The following EIF3H variants were observed in gnomAD, a reference collection of about 807,000 sequenced individuals.
EIF3H encodes the protein eIF-3-gamma.
In EIF3H, 26 loss-of-function variants were observed where a neutral mutation model predicts 44.2. The observed-to-expected ratio is 0.59, with a 90% CI of 0.43 to 0.82. The LOEUF is 0.82. Among genes scored for constraint, EIF3H ranks in the 40% least tolerant of loss-of-function variants. The pLI, the probability that EIF3H is intolerant of heterozygous loss-of-function variation, is 0.00. For synonymous variants in EIF3H, 166 were observed against 151.9 expected (o/e 1.09, Z -0.68); for missense variants, 359 against 432.8 (o/e 0.83, Z 1.51).
chr8:116,757,215 G>C (rs946831341), upstream of EIF3H, among the ~76,000 whole-genome samples: 1 of 151,946 alleles, frequency 6.6e-6, no homozygotes, highest in Non-Finnish European at 1.5e-5. Context: ...ATTTTCATCT[G>C]TCCTGAGACA....
chr8:116,725,478 AT>A (rs1399845187), intron 2 of EIF3H, among the ~76,000 whole-genome samples: 1 of 152,198 alleles, frequency 6.6e-6, no homozygotes, highest in Non-Finnish European at 1.5e-5. Context: ...TTTCAACTTG[AT>A]TTTTAAAAAA....
At chr8:116,649,850 T>C (rs1813360608) in intron 5 of EIF3H, among the ~76,000 whole-genome samples, 1 of 152,136 alleles carries the variant, frequency 6.6e-6, no homozygotes, top group Non-Finnish European at 1.5e-5. Flanking sequence ...GATCAGAGTA[T>C]CTCTTTGAGG....
chr8:116,760,996 G>A (rs967364534), intron 1 of EIF3H, among the ~76,000 whole-genome samples: 1 of 152,144 alleles, frequency 6.6e-6, no homozygotes, highest in African/African-American at 2.4e-5. Context: ...AAAGTGCTTT[G>A]ATAGATTAAA....
intron 2 of EIF3H, among the ~76,000 whole-genome samples, chr8:116,701,612 T>C (rs1042485211): frequency 2.0e-5 from 3 of 152,166 alleles, no homozygotes; most frequent in African/African-American, 7.2e-5. Flanking sequence ...CATGTTGAGA[T>C]GATGCAATGA....
intron 7 of EIF3H, among the ~76,000 whole-genome samples, chr8:116,645,538 G>A (rs1434608648): frequency 1.3e-5 from 2 of 152,198 alleles, no homozygotes; most frequent in African/African-American, 2.4e-5. Context: ...CTTTGGGAAC[G>A]TTAAGGAGTT....
chr8:116,721,139 T>G (rs964880382), intron 2 of EIF3H, among the ~76,000 whole-genome samples: 1 of 152,100 alleles, frequency 6.6e-6, no homozygotes, highest in African/African-American at 2.4e-5. Context: ...AATGGTTTTG[T>G]GGGCCCTTCT....
chr8:116,675,824 T>C (rs1813838592), intron 2 of EIF3H, among the ~76,000 whole-genome samples: 1 of 152,228 alleles, frequency 6.6e-6, no homozygotes. Flanking sequence ...ACCAACTTAC[T>C]ATCCTTTATG....
At chr8:116,705,840 T>C (rs1044202172) in intron 2 of EIF3H, among the ~76,000 whole-genome samples, 17 of 152,042 alleles carry the variant, frequency 1.1e-4, no homozygotes, top group African/African-American at 4.1e-4. Context: ...AACTAATGTA[T>C]CTCAGTAATA....
intron 2 of EIF3H, among the ~76,000 whole-genome samples, chr8:116,700,696 GAAGACATCC>G (rs1814360357): frequency 6.6e-6 from 1 of 152,158 alleles, no homozygotes; most frequent in Non-Finnish European, 1.5e-5. Context: ...AGGGAGGCCG[GAAGACATCC>G]ATAAGTAAAA....
intron 2 of EIF3H, among the ~76,000 whole-genome samples, chr8:116,670,270 C>T (rs1813730659): frequency 6.6e-6 from 1 of 152,206 alleles, no homozygotes; most frequent in Non-Finnish European, 1.5e-5. Flanking sequence ...ACTCCCACTG[C>T]CTCACAAGTA....
In EIF3H at chr8:116,752,751, A is replaced by G. The variant is rs1207221745; in HGVS notation, c.132+2915T>C. Among the ~76,000 whole-genome samples the G allele has an allele frequency of 7.3e-4, 60 of 82,164 alleles. 1 individual carries two copies. The highest frequency in any genetic ancestry group is 1.8e-3 in the South Asian group (3 of 1,690). 53.9% of individuals were successfully genotyped at this position (82,164 alleles called of 152,430 possible). A position where few individuals can be genotyped will look rare whatever the true frequency, so the allele number is the denominator to read the frequency against. ...AAGAAAGAAGAGAAAGAAAGAAAGA[A>G]AGAGGGAGGGAGGGAGGGAGGGAGG... On this transcript the variant is annotated intron_variant, in intron 1 of 7. Coordinates refer to ENST00000521861, the MANE Select transcript of EIF3H (RefSeq NM_003756.3).
intron 2 of EIF3H, among the ~76,000 whole-genome samples, chr8:116,695,766 C>G (rs556090495): frequency 6.6e-6 from 1 of 152,016 alleles, no homozygotes; most frequent in African/African-American, 2.4e-5. Context: ...GTGGGGAGGG[C>G]ATCTGAACAG....
At position 116,727,794 on chromosome 8, in the gene EIF3H, T is replaced by C. The variant is rs1005504780; in HGVS notation, c.133-1622A>G. On this transcript the variant is annotated intron_variant, in intron 1 of 7. Transcript: ENST00000521861. The stretch of plus-strand genomic sequence containing the variant: ...AAGAAAAACACTCTTTGATCATGGC[T>C]CTCCCTGTCATAATTCTGTGCACTG... Among the ~76,000 whole-genome samples the C allele has an allele frequency of 1.1e-4, 17 of 152,218 alleles. No homozygotes were observed. The South Asian group carries it at 2.1e-3, about 19-fold the overall frequency.
At chr8:116,710,788 A>G (rs1814560944) in intron 2 of EIF3H, among the ~76,000 whole-genome samples, 1 of 152,172 alleles carries the variant, frequency 6.6e-6, no homozygotes, top group Non-Finnish European at 1.5e-5. Context: ...CATTAATTTT[A>G]AACTTGGGCA....
chr8:116,743,519 G>A (rs372541239), intron 1 of EIF3H, among the ~76,000 whole-genome samples: 80 of 151,874 alleles, frequency 5.3e-4, no homozygotes, highest in South Asian at 1.5e-3. Context: ...TGAGGCAGGC[G>A]GATCACTTGA....
At chr8:116,656,801 TC>T (rs1813498205) in intron 4 of EIF3H, among the ~76,000 whole-genome samples, 1 of 152,166 alleles carries the variant, frequency 6.6e-6, no homozygotes, top group African/African-American at 2.4e-5. Context: ...TAAGCCACAT[TC>T]TTTACCAAAT....
intron 1 of EIF3H, among the ~76,000 whole-genome samples, chr8:116,749,238 T>C (rs1206391217): frequency 6.6e-6 from 1 of 152,128 alleles, no homozygotes; most frequent in Non-Finnish European, 1.5e-5. Flanking sequence ...AAGGGGAAAA[T>C]ATATTAACAG....
At chr8:116,682,277 T>A (rs1025227245) in intron 2 of EIF3H, among the ~76,000 whole-genome samples, 1 of 152,226 alleles carries the variant, frequency 6.6e-6, no homozygotes, top group Non-Finnish European at 1.5e-5. Context: ...GGGCAATACA[T>A]AGAGGTCAAA....
intron 2 of EIF3H, among the ~76,000 whole-genome samples, chr8:116,683,865 T>A (rs1814031457): frequency 6.6e-6 from 1 of 152,200 alleles, no homozygotes; most frequent in Non-Finnish European, 1.5e-5. Context: ...ATTCTAGCTA[T>A]CCTTATTTTT....
Sources: allele counts gnomAD v4.1 joint callset (sites outside exome capture counted in the v4.1 genomes callset), GRCh38; gene constraint gnomAD v4.1.1; transcripts MANE v1.5; gene names NCBI Gene and HGNC (gene_info 2026-07-23, HGNC 2026-07-21).